COL28A1: variants seen among roughly 807,000 people sequenced by gnomAD.
COL28A1 encodes collagen alpha-1(XXVIII) chain.
COL28A1 carries 161 observed loss-of-function variants against 150.2 expected under a neutral mutation model. That is an observed-to-expected ratio of 1.07 (90% CI 0.94 to 1.22). The LOEUF (loss-of-function observed/expected upper bound fraction) is 1.22, where lower values mean the gene tolerates loss of function less well. COL28A1 is among the 50% of genes most tolerant of loss of function. COL28A1 has a pLI of 0.00. For missense variants in COL28A1, 1,617 were observed against 1,388.3 expected (o/e 1.16, Z -2.62); for synonymous variants, 552 against 469.7 (o/e 1.18, Z -2.26).
At chr7:7,516,051 T>C (rs1169930219) in intron 7 of COL28A1, among the ~76,000 whole-genome samples, 1 of 152,254 alleles carries the variant, frequency 6.6e-6, no homozygotes, top group Non-Finnish European at 1.5e-5. Context: ...TTTCCCTTTA[T>C]CACATTTTAT....
chr7:7,539,667 T>C (rs538316920), upstream of COL28A1, among the ~76,000 whole-genome samples: 61 of 152,338 alleles, frequency 4.0e-4, no homozygotes, highest in Non-Finnish European at 8.1e-4. Flanking sequence ...GATGTGGCAT[T>C]GCTTAAATGT....
At chr7:7,518,417 T>G (rs1030823365) in intron 6 of COL28A1, among the ~76,000 whole-genome samples, 12 of 152,204 alleles carry the variant, frequency 7.9e-5, no homozygotes, top group African/African-American at 2.9e-4. Context: ...TATCCAAGGC[T>G]GCTATATTCC....
At chr7:7,384,263 A>G (rs1782056658) in intron 27 of COL28A1, among the ~76,000 whole-genome samples, 1 of 152,154 alleles carries the variant, frequency 6.6e-6, no homozygotes, top group Non-Finnish European at 1.5e-5. Context: ...GTTGCACTAC[A>G]ATGTCTTGGG....
rs1372032095 is a variant in COL28A1 at position 7,454,454 on chromosome 7, T to C, written c.1372-946A>G. Among the ~76,000 whole-genome samples, 4 of 152,190 alleles carry C rather than the reference T, an allele frequency of 2.6e-5. No individual in the cohort carries two copies. In the East Asian group the frequency reaches 7.7e-4, roughly 29 times the overall value. ...TTACAAATAGAGATCTCATTTCCAA[T>C]AGAGATCAGCTCTGTAAGGACACAT... On this transcript the variant is annotated intron_variant, in intron 16 of 34. Coordinates refer to ENST00000399429, the MANE Select transcript of COL28A1 (RefSeq NM_001037763.3).
At chr7:7,477,762 C>A (rs1245558276) in intron 13 of COL28A1, among the ~76,000 whole-genome samples, 1 of 152,138 alleles carries the variant, frequency 6.6e-6, no homozygotes, top group African/African-American at 2.4e-5. Context: ...ACAAAGCTTC[C>A]ACGGTATGGA....
intron 13 of COL28A1, among the ~76,000 whole-genome samples, chr7:7,482,467 A>G (rs1173653352): frequency 6.6e-6 from 1 of 151,658 alleles, no homozygotes; most frequent in Admixed American, 6.6e-5. Context: ...GGAGGTTGCA[A>G]TGAGCCAAGA....
At chr7:7,540,912 T>C in the COL28A1 span, among the ~76,000 whole-genome samples, 1 of 14,346 alleles carries the variant, frequency 7.0e-5, no homozygotes, top group Non-Finnish European at 1.8e-4. Context: ...CAATAACTGA[T>C]CCCTAATCAA....
At chr7:7,514,520 A>G (rs900813909) in intron 8 of COL28A1, among the ~76,000 whole-genome samples, 3 of 152,172 alleles carry the variant, frequency 2.0e-5, no homozygotes, top group African/African-American at 4.8e-5. Context: ...CGATTAGGAT[A>G]TATTTATTGG....
At chr7:7,539,400 C>G (rs1782748380), upstream of COL28A1, among the ~76,000 whole-genome samples, 2 of 152,086 alleles carry the variant, frequency 1.3e-5, no homozygotes, top group South Asian at 4.1e-4. Flanking sequence ...GGAACTAATA[C>G]AGAGAGAACA....
chr7:7,510,479 T>C (rs1480800168), intron 9 of COL28A1, among the ~76,000 whole-genome samples: 1 of 152,214 alleles, frequency 6.6e-6, no homozygotes, highest in Non-Finnish European at 1.5e-5. Flanking sequence ...GAGATGGTGT[T>C]TCACCGTATT....
Position 7,469,641 on chromosome 7 carries a change from C to T in COL28A1, c.1302+4960G>A, listed in dbSNP as rs1475096322. On this transcript the variant is annotated intron_variant, in intron 15 of 34. Coordinates refer to ENST00000399429, the MANE Select transcript of COL28A1 (RefSeq NM_001037763.3). ...GTTCATATGGAACCAAAAAAGAGCC[C>T]GCATTGCCAAGTCAATCCCAAGCCA... Among the ~76,000 whole-genome samples, 17 of 102,740 alleles carry T rather than the reference C, an allele frequency of 1.7e-4. 1 individual carries two copies. Among genetic ancestry groups the T allele is most frequent in the East Asian group, 3.3e-4 (1 of 3,006 alleles). The allele number at this position is 102,740 out of a possible 152,430, so 67.4% of individuals were successfully genotyped here.
chr7:7,426,168 T>C (rs933048194), intron 25 of COL28A1, among the ~76,000 whole-genome samples: 1 of 152,210 alleles, frequency 6.6e-6, no homozygotes, highest in African/African-American at 2.4e-5. Context: ...AATGGTACTC[T>C]AAAGATTCTG....
chr7:7,444,985 G>A (rs1268267232), intron 18 of COL28A1, among the ~76,000 whole-genome samples: 2 of 151,992 alleles, frequency 1.3e-5, no homozygotes, highest in Non-Finnish European at 2.9e-5. Flanking sequence ...TTAAAAATGT[G>A]TGTGTAGCAT....
chr7:7,538,481 C>T (rs990149458), upstream of COL28A1, among the ~76,000 whole-genome samples: 5 of 152,148 alleles, frequency 3.3e-5, no homozygotes, highest in African/African-American at 9.7e-5. Flanking sequence ...TTATCAGTCA[C>T]TTGAGGTCTG....
In COL28A1 at chr7:7,492,770, T is replaced by C. The variant is rs189029779; in HGVS notation, c.1027-2124A>G. ...ATCCACATTTATGATCCTTTGATAT[T>C]TAAGTGGATTGAATTCAAAAGTACT... On this transcript the variant is annotated intron_variant, in intron 11 of 34. Coordinates refer to ENST00000399429, the MANE Select transcript of COL28A1 (RefSeq NM_001037763.3). 3.3e-5 allele frequency among the ~76,000 whole-genome samples: 5 copies of C among 151,630 alleles called. No homozygotes were observed. In the East Asian group the frequency reaches 9.7e-4, roughly 29 times the overall value.
At chr7:7,524,931 A>G (rs1351816261) in intron 3 of COL28A1, among the ~76,000 whole-genome samples, 2 of 152,242 alleles carry the variant, frequency 1.3e-5, no homozygotes, top group Admixed American at 1.3e-4. Context: ...AAAGATACTC[A>G]GCTTTTAAAT....
intron 3 of COL28A1, among the ~76,000 whole-genome samples, chr7:7,530,981 CA>C: frequency 6.6e-6 from 1 of 152,252 alleles, no homozygotes; most frequent in East Asian, 1.9e-4. Context: ...CAACTTGGTA[CA>C]AATATAGCCT....
At chr7:7,350,892 A>G in the COL28A1 span, among the ~76,000 whole-genome samples, 2 of 152,070 alleles carry the variant, frequency 1.3e-5, no homozygotes, top group African/African-American at 4.8e-5. Context: ...CAAGAAACTG[A>G]GTGTGAAGTT....
chr7:7,531,033 T>A (rs1364170702), intron 3 of COL28A1, among the ~76,000 whole-genome samples: 7 of 152,116 alleles, frequency 4.6e-5, no homozygotes, highest in African/African-American at 1.7e-4. Context: ...AAGTCAGCAA[T>A]GTTCATGATT....
Sources: gnomAD v4.1 joint callset for allele counts (sites outside exome capture counted in the v4.1 genomes callset) on GRCh38, gnomAD v4.1.1 for gene constraint, MANE v1.5 for transcripts, NCBI Gene and HGNC (gene_info 2026-07-23, HGNC 2026-07-21) for gene names.